The following GPC6 variants were observed in gnomAD, a reference collection of about 807,000 sequenced individuals.
GPC6 encodes the protein glypican-6.
In GPC6, 14 loss-of-function variants were observed where a neutral mutation model predicts 55.2. That is an observed-to-expected ratio of 0.25 (90% CI 0.17 to 0.40). The LOEUF (loss-of-function observed/expected upper bound fraction) is 0.40, where lower values mean the gene tolerates loss of function less well. Among genes scored for constraint, GPC6 ranks in the 10% least tolerant of loss-of-function variants. The pLI is 1.00. For synonymous variants in GPC6, 278 were observed against 259.6 expected, an observed-to-expected ratio of 1.07 and a Z score of -0.68; for missense variants, 641 against 708.5, an observed-to-expected ratio of 0.90 and a Z score of 1.08.
intron 1 of GPC6, among the ~76,000 whole-genome samples, chr13:93,304,635 GAC>G (rs1444925773): frequency 6.6e-6 from 1 of 152,316 alleles, no homozygotes; most frequent in East Asian, 1.9e-4. Context: ...ATGACACAAA[GAC>G]AGATTTCATT....
At chr13:93,997,917 T>A (rs962306045) in intron 3 of GPC6, among the ~76,000 whole-genome samples, 2 of 152,182 alleles carry the variant, frequency 1.3e-5, no homozygotes, top group African/African-American at 4.8e-5. Flanking sequence ...GATGAGTCCT[T>A]CCCTTCCTTA....
chr13:94,177,265 A>G (rs1888809445), intron 4 of GPC6, among the ~76,000 whole-genome samples: 2 of 152,348 alleles, frequency 1.3e-5, no homozygotes, highest in Non-Finnish European at 1.5e-5. Context: ...ACTGAATGAA[A>G]TAACCAAAGT....
At chr13:93,451,208 G>A (rs920954) in intron 1 of GPC6, among the ~76,000 whole-genome samples, 32,820 of 152,204 alleles carry the variant, frequency 0.22, 3,667 homozygotes, top group Middle Eastern at 0.29. Flanking sequence ...GTCTTTAAAA[G>A]TAATTTATAT....
chr13:93,687,885 G>T (rs1243637272), intron 2 of GPC6, among the ~76,000 whole-genome samples: 1 of 148,110 alleles, frequency 6.8e-6, no homozygotes, highest in Non-Finnish European at 1.5e-5. Flanking sequence ...TAGGATTTTT[G>T]TGTGTTTGGC....
At chr13:93,608,082 A>G (rs1013233698) in intron 2 of GPC6, among the ~76,000 whole-genome samples, 2 of 152,000 alleles carry the variant, frequency 1.3e-5, no homozygotes, top group Non-Finnish European at 1.5e-5. Flanking sequence ...TTTTATTACA[A>G]TTTTCAATGA....
At chr13:93,887,334 A>G (rs1037910612) in intron 3 of GPC6, among the ~76,000 whole-genome samples, 1 of 152,070 alleles carries the variant, frequency 6.6e-6, no homozygotes, top group Non-Finnish European at 1.5e-5. Context: ...ATTGATTGTC[A>G]TGTAGCTTTG....
chr13:93,561,361 T>G (rs1490576926), intron 2 of GPC6, among the ~76,000 whole-genome samples: 1 of 143,468 alleles, frequency 7.0e-6, no homozygotes, highest in African/African-American at 2.6e-5. Context: ...TTTAGTAAGA[T>G]TGATACACAT....
chr13:93,830,135 C>A lies in GPC6; in HGVS notation c.320-19C>A, dbSNP rs1887427146. 6.3e-7 allele frequency: 1 copy of A among 1,599,880 alleles called. No individual in the cohort carries two copies. On this transcript the variant is annotated intron_variant, in intron 2 of 8. Coordinates refer to ENST00000377047, the MANE Select transcript of GPC6 (RefSeq NM_005708.5). ...TCTAGATTTCATTAATTTATGACTT[C>A]TTTCTGTTTTATCTGCAGAATTTTT...
chr13:93,893,891 A>T (rs1246165896), intron 3 of GPC6, among the ~76,000 whole-genome samples: 3 of 152,160 alleles, frequency 2.0e-5, no homozygotes, highest in Non-Finnish European at 2.9e-5. Context: ...TCTTCCACAA[A>T]AAACAGTTTT....
At chr13:93,659,845 A>G (rs1289545055) in intron 2 of GPC6, among the ~76,000 whole-genome samples, 1 of 152,054 alleles carries the variant, frequency 6.6e-6, no homozygotes, top group Non-Finnish European at 1.5e-5. Context: ...ATCTTAAAGT[A>G]AACGTATTTT....
chr13:93,457,211 T>C (rs972103253), intron 1 of GPC6, among the ~76,000 whole-genome samples: 1 of 152,222 alleles, frequency 6.6e-6, no homozygotes, highest in African/African-American at 2.4e-5. Context: ...ACACTTCATA[T>C]GGCCTTCTCC....
chr13:93,968,781 A>G (rs6650321), intron 3 of GPC6, among the ~76,000 whole-genome samples: 35,379 of 152,072 alleles, frequency 0.23, 4,698 homozygotes, highest in East Asian at 0.39. Context: ...CTTCTTAGTC[A>G]CATTTAATAG....
chr13:94,043,696 C>A (rs1883623830), intron 4 of GPC6, among the ~76,000 whole-genome samples: 1 of 151,740 alleles, frequency 6.6e-6, no homozygotes, highest in South Asian at 2.1e-4. Context: ...ATCCGGTTTT[C>A]TTTATCTGCA....
intron 4 of GPC6, among the ~76,000 whole-genome samples, chr13:94,118,217 T>G (rs1886501735): frequency 1.3e-5 from 2 of 152,072 alleles, no homozygotes; most frequent in South Asian, 4.1e-4. Flanking sequence ...TAGGGGCAGT[T>G]TCCACATGCT....
At chr13:94,164,965 T>C (rs1012275317) in intron 4 of GPC6, among the ~76,000 whole-genome samples, 1 of 151,936 alleles carries the variant, frequency 6.6e-6, no homozygotes, top group Admixed American at 6.6e-5. Context: ...AAACTAATAC[T>C]AGCACTATGG....
At chr13:94,398,786 G>A in intron 8 of GPC6, 145 bp downstream of exon 8, 1 of 731,376 alleles carries the variant, frequency 1.4e-6, no homozygotes, top group Non-Finnish European at 2.4e-6. Context: ...TAGTCTTTTG[G>A]ACAGAGAGCT....
At chr13:93,436,693 C>T (rs1043852947) in intron 1 of GPC6, among the ~76,000 whole-genome samples, 2 of 151,958 alleles carry the variant, frequency 1.3e-5, no homozygotes. Flanking sequence ...AAAAATGCAC[C>T]CCTTCAAAAG....
intron 4 of GPC6, among the ~76,000 whole-genome samples, chr13:94,260,080 T>A (rs1891614575): frequency 6.6e-6 from 1 of 152,220 alleles, no homozygotes; most frequent in African/African-American, 2.4e-5. Context: ...AACGGGATGT[T>A]CTTAACCTGT....
intron 2 of GPC6, among the ~76,000 whole-genome samples, chr13:93,654,300 C>G (rs1468068166): frequency 1.3e-5 from 2 of 152,050 alleles, no homozygotes; most frequent in African/African-American, 4.8e-5. Context: ...GTCGCCCAGG[C>G]TGGAGTGCAG....
Sources: allele counts gnomAD v4.1 joint callset (sites outside exome capture counted in the v4.1 genomes callset), GRCh38; gene constraint gnomAD v4.1.1; transcripts MANE v1.5; gene names NCBI Gene and HGNC (gene_info 2026-07-23, HGNC 2026-07-21).